Variants in CWF19L2 observed in about 807,000 individuals in gnomAD.
CWF19L2 encodes CWF19-like protein 2.
A neutral mutation model predicts 111.7 loss-of-function variants in CWF19L2; 98 were observed. That is an observed-to-expected ratio of 0.88 (90% CI 0.75 to 1.04). The LOEUF (loss-of-function observed/expected upper bound fraction) is 1.04, where lower values mean the gene tolerates loss of function less well. CWF19L2 is among the 50% of genes least tolerant of loss of function. The pLI, the probability that CWF19L2 is intolerant of heterozygous loss-of-function variation, is 0.00. For synonymous variants in CWF19L2, 351 were observed against 342.9 expected (o/e 1.02, Z -0.26); for missense variants, 1,101 against 1,051.4 (o/e 1.05, Z -0.65).
intron 12 of CWF19L2, among the ~76,000 whole-genome samples, chr11:107,358,503 G>A (rs1860272976): frequency 6.6e-6 from 1 of 152,162 alleles, no homozygotes; most frequent in Admixed American, 6.5e-5. Context: ...CCACAATGTA[G>A]TATTATTTAG....
intron 16 of CWF19L2, among the ~76,000 whole-genome samples, chr11:107,331,257 T>TA (rs1356054936): frequency 3.9e-5 from 6 of 152,138 alleles, no homozygotes; most frequent in Non-Finnish European, 7.4e-5. Context: ...TCAGACAAGT[T>TA]AATTAACATC....
chr11:107,336,371 T>A (rs1197137766), intron 15 of CWF19L2, among the ~76,000 whole-genome samples, 187 bp downstream of exon 15: 1 of 152,114 alleles, frequency 6.6e-6, no homozygotes, highest in Admixed American at 6.5e-5. Flanking sequence ...GGTCTTGAAG[T>A]CCTGACCTCA....
chr11:107,417,197 A>G (rs1402098581), intron 9 of CWF19L2, among the ~76,000 whole-genome samples: 1 of 152,240 alleles, frequency 6.6e-6, no homozygotes. Flanking sequence ...GTGCATACAT[A>G]TGACCATGAC....
intron 3 of CWF19L2, among the ~76,000 whole-genome samples, chr11:107,446,605 A>G (rs1861705533): frequency 6.6e-6 from 1 of 152,238 alleles, no homozygotes. Context: ...AATATTATGT[A>G]TCTATTTATC....
intron 12 of CWF19L2, among the ~76,000 whole-genome samples, chr11:107,386,856 C>T (rs1860773803): frequency 2.0e-5 from 3 of 152,046 alleles, no homozygotes. Flanking sequence ...GAGACAGAGA[C>T]CATCCTGGCC....
At chr11:107,349,677 G>A (rs1429667477) in intron 13 of CWF19L2, among the ~76,000 whole-genome samples, 1 of 151,952 alleles carries the variant, frequency 6.6e-6, no homozygotes, top group Non-Finnish European at 1.5e-5. Context: ...ATTACAAAGG[G>A]CTTGATCTTA....
intron 14 of CWF19L2, among the ~76,000 whole-genome samples, chr11:107,338,244 T>C (rs1859956377): frequency 2.0e-5 from 3 of 152,114 alleles, no homozygotes; most frequent in Admixed American, 6.5e-5. Flanking sequence ...CAGCTCCTGT[T>C]ACCCTTTTAC....
At chr11:107,428,514 A>G (rs1266731708) in intron 8 of CWF19L2, among the ~76,000 whole-genome samples, 1 of 152,136 alleles carries the variant, frequency 6.6e-6, no homozygotes, top group African/African-American at 2.4e-5. Context: ...CCTGCAGCAC[A>G]TACATTTAAA....
intron 10 of CWF19L2, among the ~76,000 whole-genome samples, chr11:107,394,330 A>C (rs1420524733): frequency 6.6e-6 from 1 of 152,132 alleles, no homozygotes; most frequent in Admixed American, 6.5e-5. Context: ...AGATCTTTCT[A>C]CTCACTCCCT....
At chr11:107,419,123 G>A (rs1415486567) in intron 8 of CWF19L2, among the ~76,000 whole-genome samples, 1 of 152,180 alleles carries the variant, frequency 6.6e-6, no homozygotes, top group Non-Finnish European at 1.5e-5. Context: ...TAGCCCAGAG[G>A]ATTGGAGGTA....
intron 9 of CWF19L2, among the ~76,000 whole-genome samples, chr11:107,417,388 C>T (rs533188974): frequency 1.8e-4 from 28 of 152,286 alleles, no homozygotes; most frequent in Admixed American, 5.9e-4. Context: ...GTAAATTAGT[C>T]TTAAATCAAA....
At chr11:107,380,046 C>CAAAAAAAAAAAAAAAAAA in intron 12 of CWF19L2, among the ~76,000 whole-genome samples, 1 of 34,490 alleles carries the variant, frequency 2.9e-5, no homozygotes, top group Non-Finnish European at 5.1e-5. Flanking sequence ...GACACCGTCT[C>CAAAAAAAAAAAAAAAAAA]AAAAAAAAAA....
Position 107,428,870 on chromosome 11 carries a change from T to C in CWF19L2, c.1362A>G (p.Ser454=). ...QHVPEDPREK[S]QDEVLRDDPP... is the part of the protein sequence containing the mutation. ...GGTCATCTCTCAAGACTTCATCTTGTGATTTTTCTCTTGGGTCTTCTGGAA... is the reference window on the plus strand; with the variant it reads ...GGTCATCTCTCAAGACTTCATCTTGCGATTTTTCTCTTGGGTCTTCTGGAA... The change falls in exon 8 of 18, where the codon TCA becomes TCG. Residue 454 remains serine (S), a synonymous_variant. Coordinates refer to ENST00000282251, the MANE Select transcript of CWF19L2 (RefSeq NM_152434.3). 4 of 1,613,638 alleles carry C rather than the reference T, an allele frequency of 2.5e-6. No homozygotes were observed. Among genetic ancestry groups the C allele is most frequent in the Non-Finnish European group, 2.5e-6 (3 of 1,179,644 alleles).
intron 13 of CWF19L2, among the ~76,000 whole-genome samples, chr11:107,350,565 T>G (rs1043389100): frequency 6.6e-6 from 1 of 152,156 alleles, no homozygotes; most frequent in African/African-American, 2.4e-5. Context: ...AGCACCGATC[T>G]TGGACTTCCC....
intron 10 of CWF19L2, among the ~76,000 whole-genome samples, chr11:107,405,488 C>A (rs980020012): frequency 5.9e-5 from 9 of 152,006 alleles, no homozygotes; most frequent in African/African-American, 2.2e-4. Context: ...GGTAAGAGAA[C>A]AGGACCTGGT....
chr11:107,378,452 T>C (rs1260740015), intron 12 of CWF19L2, among the ~76,000 whole-genome samples: 1 of 152,036 alleles, frequency 6.6e-6, no homozygotes, highest in African/African-American at 2.4e-5. Flanking sequence ...AAATGATGAG[T>C]TCATGTCCTT....
intron 8 of CWF19L2, among the ~76,000 whole-genome samples, chr11:107,423,505 T>C (rs569020122): frequency 6.6e-6 from 1 of 152,122 alleles, no homozygotes; most frequent in South Asian, 2.1e-4. Flanking sequence ...GAGAAACTTC[T>C]TGGCTTCTTT....
At chr11:107,365,216 TGGATTC>T (rs1028033804) in intron 12 of CWF19L2, among the ~76,000 whole-genome samples, 1 of 149,050 alleles carries the variant, frequency 6.7e-6, no homozygotes, top group Non-Finnish European at 1.5e-5. Context: ...CAGGACCAGA[TGGATTC>T]ACAGCCGAAT....
chr11:107,423,844 G>A (rs916396189), intron 8 of CWF19L2, among the ~76,000 whole-genome samples: 2 of 151,646 alleles, frequency 1.3e-5, no homozygotes, highest in Non-Finnish European at 3.0e-5. Context: ...TCCTTCTCTT[G>A]AGGAGAAATG....
Sources: gnomAD v4.1 joint callset for allele counts (sites outside exome capture counted in the v4.1 genomes callset) on GRCh38, gnomAD v4.1.1 for gene constraint, MANE v1.5 for transcripts, NCBI Gene and HGNC (gene_info 2026-07-23, HGNC 2026-07-21) for gene names.